MIS18BP1: variants seen among roughly 807,000 people sequenced by gnomAD.
MIS18BP1 encodes mis18-binding protein 1.
MIS18BP1 carries 72 observed loss-of-function variants against 116.1 expected under a neutral mutation model. The ratio of observed to expected loss-of-function variants is 0.62; its 90% CI spans 0.51 to 0.75. MIS18BP1 has a LOEUF of 0.75. Among genes scored for constraint, MIS18BP1 ranks in the 30% least tolerant of loss-of-function variants. The pLI, the probability that MIS18BP1 is intolerant of heterozygous loss-of-function variation, is 0.00. For synonymous variants in MIS18BP1, 386 were observed against 427.0 expected (o/e 0.90, Z 1.18); for missense variants, 1,363 against 1,303.2 (o/e 1.05, Z -0.71).
In MIS18BP1 at chr14:45,203,990, A is replaced by G. The variant is rs1192006881; in HGVS notation, c.*119T>C. On this transcript the variant is annotated 3_prime_UTR_variant, in exon 17 of 17. Coordinates refer to ENST00000310806, the MANE Select transcript of MIS18BP1 (RefSeq NM_018353.5). ...TGAACACAAACATATGAAACCTTCA[A>G]AAAAGTCCACATTTTCATAGGAAGC... 4 of 1,425,206 alleles carry G rather than the reference A, an allele frequency of 2.8e-6. No homozygotes were observed. Among genetic ancestry groups the G allele is most frequent in the Non-Finnish European group, 2.8e-6 (3 of 1,074,768 alleles). 88.3% of individuals were successfully genotyped at this position (1,425,206 alleles called of 1,614,324 possible). A position where few individuals can be genotyped will look rare whatever the true frequency, so the allele number is the denominator to read the frequency against.
At chr14:45,229,193 G>A (rs1349414955) in intron 8 of MIS18BP1, among the ~76,000 whole-genome samples, 2 of 152,018 alleles carry the variant, frequency 1.3e-5, no homozygotes, top group African/African-American at 2.4e-5. Context: ...TAATAGACCA[G>A]GGTTCATGGA....
chr14:45,233,735 T>C (rs1282792268), intron 6 of MIS18BP1, among the ~76,000 whole-genome samples: 2 of 152,198 alleles, frequency 1.3e-5, no homozygotes, highest in African/African-American at 4.8e-5. Context: ...TTCTGGCTAC[T>C]GGACACATGG....
Position 45,212,080 on chromosome 14 carries a change from C to A in MIS18BP1, c.3004-1552G>T, listed in dbSNP as rs529748727. Among the ~76,000 whole-genome samples the A allele has an allele frequency of 1.1e-4, 17 of 152,240 alleles. No homozygotes were observed. The East Asian group carries it at 2.9e-3, about 26-fold the overall frequency. ...ATTTGTATTTGTGGCACCCTCAGGG[C>A]TTTGCTCACATTGGACTGTCCCCTG... is the stretch of plus-strand genomic sequence containing the variant. On this transcript the variant is annotated intron_variant, in intron 13 of 16. Transcript: ENST00000310806.
rs376147694 is a variant in MIS18BP1, at chr14:45,232,812, T to G, written c.1357A>C (p.Asn453His). The change falls in exon 7 of 17, where the codon AAT becomes CAT. Residue 453 changes from asparagine to histidine, a missense_variant. Physicochemically the swap from Asn to His is moderately conservative, Grantham distance 68 (BLOSUM62 1). Coordinates refer to ENST00000310806, the MANE Select transcript of MIS18BP1 (RefSeq NM_018353.5). Reference sequence around the variant, plus strand: ...AACATAAATTTCCTTATGAGATAATTTGGATATCCTATTTAAGGATAAACA... The same window carrying G: ...AACATAAATTTCCTTATGAGATAATGTGGATATCCTATTTAAGGATAAACA... ...QISMKEAGYP[N>H]YLIRKFMFGF... The G allele has an allele frequency of 7.2e-7, 1 of 1,389,420 alleles. No individual in the cohort carries two copies. The highest frequency in any genetic ancestry group is 1.3e-5 in the South Asian group (1 of 77,974). 86.1% of individuals were successfully genotyped at this position (1,389,420 alleles called of 1,614,324 possible). A position where few individuals can be genotyped will look rare whatever the true frequency, so the allele number is the denominator to read the frequency against.
chr14:45,242,527 A>C lies in MIS18BP1; in HGVS notation c.659-9T>G, dbSNP rs199563726. ...GTTCAGAGTTGGAAGTTCTGCAAAA[A>C]ATACAAAACAAAACAAAACAAAACA... On this transcript the variant is annotated splice_polypyrimidine_tract_variant and intron_variant, in intron 3 of 16. Transcript: ENST00000310806. 3.2e-6 allele frequency: 5 copies of C among 1,563,646 alleles called. No homozygotes were observed. The highest frequency in any genetic ancestry group is 4.3e-6 in the Non-Finnish European group (5 of 1,163,352).
chr14:45,247,123 A>C lies in MIS18BP1; in HGVS notation c.164T>G (p.Leu55Trp), dbSNP rs1240442559. The C allele has an allele frequency of 1.2e-6, 2 of 1,612,730 alleles. No homozygotes were observed. Among genetic ancestry groups the C allele is most frequent in the Non-Finnish European group, 1.7e-6 (2 of 1,179,864 alleles). The change falls in exon 2 of 17, where the codon TTG (leucine) becomes TGG (tryptophan). Residue 55 changes from leucine to tryptophan, a missense_variant. Transcript: ENST00000310806. Reference sequence around the variant, plus strand: ...GAACTGATTCTTTTTATGGTCATTCAATTTTAAGGAGGAGTTCTGATATTT... The same window carrying C: ...GAACTGATTCTTTTTATGGTCATTCCATTTTAAGGAGGAGTTCTGATATTT... The part of the protein sequence containing the change: ...LVKYQNSSLK[L>W]NDHKKNQFLK...
At chr14:45,220,774 C>G (rs549983749) in intron 11 of MIS18BP1, among the ~76,000 whole-genome samples, 1 of 152,154 alleles carries the variant, frequency 6.6e-6, no homozygotes, top group East Asian at 1.9e-4. Context: ...GCATAGCAAC[C>G]CTTTAAAGTT....
At position 45,223,995 on chromosome 14, in the gene MIS18BP1, A is replaced by G. The variant is rs766792493; in HGVS notation, c.2592T>C (p.Asn864=). The G allele has an allele frequency of 3.7e-6, 6 of 1,612,786 alleles. No individual in the cohort carries two copies. Among genetic ancestry groups the G allele is most frequent in the Non-Finnish European group, 5.1e-6 (6 of 1,179,744 alleles). ...ITEAVGSDKT[N]RHPLECLPGL... Reference sequence around the variant, plus strand: ...CAGGTAAGCATTCTAAGGGATGCCTATTTGTCTTATCAGATCCTACTGCCT... The same window carrying G: ...CAGGTAAGCATTCTAAGGGATGCCTGTTTGTCTTATCAGATCCTACTGCCT... The change falls in exon 11 of 17, where the codon AAT becomes AAC. Residue 864 remains asparagine, a synonymous_variant. Coordinates refer to ENST00000310806, the MANE Select transcript of MIS18BP1 (RefSeq NM_018353.5).
intron 6 of MIS18BP1, among the ~76,000 whole-genome samples, chr14:45,233,050 T>C (rs780218238): frequency 2.6e-5 from 4 of 152,192 alleles, no homozygotes; most frequent in Non-Finnish European, 4.4e-5. Flanking sequence ...TACAATATCT[T>C]GTTTGTTAGA....
chr14:45,247,878 A>G (rs909176152), intron 1 of MIS18BP1, among the ~76,000 whole-genome samples: 1 of 152,056 alleles, frequency 6.6e-6, no homozygotes, highest in Non-Finnish European at 1.5e-5. Flanking sequence ...ATTAGTTAAT[A>G]ATACCCAATC....
chr14:45,248,055 GTTTT>G (rs3036381), intron 1 of MIS18BP1, among the ~76,000 whole-genome samples: 1 of 109,240 alleles, frequency 9.2e-6, no homozygotes, highest in African/African-American at 3.4e-5. Flanking sequence ...TGTTTCTTTC[GTTTT>G]TTTTTTTTTT....
At chr14:45,244,967 C>T (rs898844630) in intron 2 of MIS18BP1, among the ~76,000 whole-genome samples, 8 of 152,120 alleles carry the variant, frequency 5.3e-5, no homozygotes, top group African/African-American at 1.9e-4. Flanking sequence ...TCTTCCTACT[C>T]CATTATTCCC....
intron 13 of MIS18BP1, among the ~76,000 whole-genome samples, chr14:45,213,245 A>C (rs1341878701): frequency 6.6e-6 from 1 of 152,128 alleles, no homozygotes; most frequent in Non-Finnish European, 1.5e-5. Flanking sequence ...TGGTTTCTGC[A>C]GACCCGTATG....
At chr14:45,219,466 T>C (rs1890913688) in intron 11 of MIS18BP1, among the ~76,000 whole-genome samples, 1 of 152,152 alleles carries the variant, frequency 6.6e-6, no homozygotes, top group Non-Finnish European at 1.5e-5. Context: ...ATTTCCACCA[T>C]ACCACAGAGG....
At chr14:45,232,548 A>T (rs1566815044) in intron 7 of MIS18BP1, 185 bp downstream of exon 7, 3 of 569,486 alleles carry the variant, frequency 5.3e-6, no homozygotes, top group Non-Finnish European at 9.7e-6. Flanking sequence ...TAATCCCAAC[A>T]CTTTGGGAGG....
chr14:45,231,163 G>T lies in MIS18BP1; in HGVS notation c.1572C>A (p.Tyr524Ter). 1.2e-6 allele frequency: 2 copies of T among 1,610,726 alleles called. No homozygotes were observed. Among genetic ancestry groups the T allele is most frequent in the Non-Finnish European group, 1.7e-6 (2 of 1,179,120 alleles). The change falls in exon 8 of 17, where the codon TAC (tyrosine) becomes TAA (stop). Residue 524 changes from tyrosine to a stop codon, truncating the protein, a stop_gained. Transcript: ENST00000310806. LOFTEE classifies it high-confidence loss of function. Reference protein sequence around the residue: ...TDTAQRATTTYDFDCDNLELK... With the variant: ...TDTAQRATTT ...TACCCAAATTATCACAATCAAAATC[G>T]TAAGTGGTGGTGGCTCTTTGAGCAG... is the stretch of plus-strand genomic sequence containing the variant.
intron 11 of MIS18BP1, among the ~76,000 whole-genome samples, chr14:45,222,377 A>G (rs1890998699): frequency 6.6e-6 from 1 of 152,038 alleles, no homozygotes; most frequent in South Asian, 2.1e-4. Context: ...ATTTCTTTGT[A>G]TAGTTTTTTT....
At chr14:45,221,359 C>G (rs942437965) in intron 11 of MIS18BP1, among the ~76,000 whole-genome samples, 1 of 152,134 alleles carries the variant, frequency 6.6e-6, no homozygotes, top group Non-Finnish European at 1.5e-5. Flanking sequence ...ATGGTGTGAA[C>G]CTGGGAGGTG....
Position 45,247,237 on chromosome 14 carries a change from G to A in MIS18BP1, c.50C>T (p.Ala17Val). ...KHSRIYLPPEASSQRRNLPMD... is the reference protein window; with the variant it reads ...KHSRIYLPPEVSSQRRNLPMD... ...GGGTAGATTTCTCCTTTGAGAAGAT[G>A]CCTCTGGAGGTAAGTAAATTCTTGA... The change falls in exon 2 of 17, where the codon GCA becomes GTA. Residue 17 changes from alanine to valine, a missense_variant. Ala to Val is a moderately conservative substitution (Grantham distance 64). Coordinates refer to ENST00000310806, the MANE Select transcript of MIS18BP1 (RefSeq NM_018353.5). 4.4e-6 allele frequency: 7 copies of A among 1,596,520 alleles called. No individual in the cohort carries two copies. The highest frequency in any genetic ancestry group is 6.0e-6 in the Non-Finnish European group (7 of 1,175,544).
Sources: allele counts gnomAD v4.1 joint callset (sites outside exome capture counted in the v4.1 genomes callset), GRCh38; gene constraint gnomAD v4.1.1; transcripts MANE v1.5; gene names NCBI Gene and HGNC (gene_info 2026-07-23, HGNC 2026-07-21).